OR2L13: variants seen among roughly 807,000 people sequenced by gnomAD.
OR2L13 encodes the protein olfactory receptor 2L13.
Under a neutral mutation model 15.3 loss-of-function variants are expected in OR2L13, and 14 were observed. The observed-to-expected ratio is 0.91, with a 90% CI of 0.60 to 1.43. OR2L13 has a LOEUF of 1.43. Among genes scored for constraint, OR2L13 ranks in the 40% most tolerant of loss-of-function variants. The probability of loss-of-function intolerance (pLI) is 0.00; values close to 1 mark genes in which losing one functional copy is unlikely to be tolerated. For synonymous variants in OR2L13, 152 were observed against 142.9 expected (o/e 1.06, Z -0.45); for missense variants, 367 against 387.9 (o/e 0.95, Z 0.45).
the OR2L13 span, among the ~76,000 whole-genome samples, chr1:248,049,906 A>G: frequency 1.3e-5 from 2 of 152,214 alleles, no homozygotes; most frequent in East Asian, 1.9e-4. Flanking sequence ...ATATGTATGT[A>G]TATATGTATA....
chr1:248,008,101 T>C, the OR2L13 span, among the ~76,000 whole-genome samples: 5 of 152,176 alleles, frequency 3.3e-5, no homozygotes, highest in African/African-American at 1.2e-4. Flanking sequence ...TTTGGTACAT[T>C]CTTATACTTT....
chr1:247,993,206 T>C, the OR2L13 span, among the ~76,000 whole-genome samples: 1 of 152,200 alleles, frequency 6.6e-6, no homozygotes, highest in Non-Finnish European at 1.5e-5. Context: ...TCATGTAACT[T>C]CTGCATTTTT....
At chr1:248,014,947 TA>T in the OR2L13 span, among the ~76,000 whole-genome samples, 1 of 152,104 alleles carries the variant, frequency 6.6e-6, no homozygotes, top group Non-Finnish European at 1.5e-5. Context: ...CATCCCAAAA[TA>T]ACAGTCAAAG....
chr1:247,958,390 T>G, the OR2L13 span, among the ~76,000 whole-genome samples: 2 of 152,122 alleles, frequency 1.3e-5, no homozygotes, highest in African/African-American at 2.4e-5. Context: ...AATAGGTGTG[T>G]TGTGGTGCTG....
At chr1:248,008,137 A>G in the OR2L13 span, among the ~76,000 whole-genome samples, 1 of 152,180 alleles carries the variant, frequency 6.6e-6, no homozygotes, top group Non-Finnish European at 1.5e-5. Flanking sequence ...GTATCACAAT[A>G]GAAAATAGCA....
chr1:248,094,860 G>A (rs767103991), upstream of OR2L13, among the ~76,000 whole-genome samples: 1 of 151,932 alleles, frequency 6.6e-6, no homozygotes, highest in Admixed American at 6.6e-5. Context: ...TTTTTAATCC[G>A]GAATTCTCTA....
the OR2L13 span, among the ~76,000 whole-genome samples, chr1:247,986,238 G>C: frequency 6.6e-6 from 1 of 152,252 alleles, no homozygotes. Context: ...AGTTTTTATG[G>C]TTTTAAGTCT....
At chr1:248,065,939 A>T in the OR2L13 span, among the ~76,000 whole-genome samples, 7 of 152,300 alleles carry the variant, frequency 4.6e-5, no homozygotes, top group East Asian at 1.2e-3. Context: ...TCTCTGGTAC[A>T]TTCTGATACT....
the OR2L13 span, among the ~76,000 whole-genome samples, chr1:248,074,927 G>T: frequency 2.0e-5 from 3 of 152,102 alleles, no homozygotes; most frequent in Non-Finnish European, 2.9e-5. Context: ...CAATGTGCAG[G>T]TTTGATACAT....
chr1:248,051,457 A>G, the OR2L13 span, among the ~76,000 whole-genome samples: 1 of 152,214 alleles, frequency 6.6e-6, no homozygotes, highest in Admixed American at 6.5e-5. Context: ...TGAACATGGG[A>G]ATAGAAATAT....
chr1:248,039,189 T>A, the OR2L13 span: 1 of 1,609,222 alleles, frequency 6.2e-7, no homozygotes, highest in Non-Finnish European at 8.5e-7. Context: ...TCAGAAAATC[T>A]TCTCAGTGAA....
At chr1:248,088,750 G>C in the OR2L13 span, among the ~76,000 whole-genome samples, 1 of 152,106 alleles carries the variant, frequency 6.6e-6, no homozygotes, top group Non-Finnish European at 1.5e-5. Context: ...TTCTGTGTTT[G>C]ATTTGCCATT....
chr1:248,057,386 G>T, the OR2L13 span, among the ~76,000 whole-genome samples: 1 of 152,154 alleles, frequency 6.6e-6, no homozygotes, highest in African/African-American at 2.4e-5. Flanking sequence ...TTTACATTAT[G>T]TAATGCCCTT....
At chr1:248,003,970 C>T in the OR2L13 span, 1 of 1,613,966 alleles carries the variant, frequency 6.2e-7, no homozygotes, top group Non-Finnish European at 8.5e-7. Context: ...ACACCACCCT[C>T]ACCCCAATGC....
the OR2L13 span, chr1:247,949,060 T>C: frequency 2.5e-6 from 4 of 1,613,948 alleles, no homozygotes; most frequent in Non-Finnish European, 3.4e-6. Flanking sequence ...CTCTCCCTCA[T>C]TGACCTAAAT....
At chr1:248,083,566 A>C in the OR2L13 span, 24 of 1,055,622 alleles carry the variant, frequency 2.3e-5, no homozygotes, top group Non-Finnish European at 3.1e-5. Context: ...TGAACTACTA[A>C]AGGGAGAGAA....
Position 248,099,622 on chromosome 1 carries a change from A to C in OR2L13, c.247A>C (p.Asn83His), listed in dbSNP as rs747035870. Residue 83 changes from asparagine to histidine, a missense_variant, in exon 3 of 3, where the codon AAC becomes CAC. Transcript: ENST00000641714. ...CACCACCGTCCCCAAGATGGCGTAC[A>C]ACTTCCTGTCCGGCCAGAAAGGCAT... 18 of 1,613,864 alleles carry C rather than the reference A, an allele frequency of 1.1e-5. No homozygotes were observed. The highest frequency in any genetic ancestry group is 1.4e-5 in the Non-Finnish European group (17 of 1,179,968).
chr1:248,023,140 T>C, the OR2L13 span: 9 of 310,826 alleles, frequency 2.9e-5, no homozygotes, highest in Middle Eastern at 9.6e-4. Flanking sequence ...TTCATTATCA[T>C]GTATAAATCA....
At chr1:247,973,823 ACTAATGGGAGTGTAAATTAGTTCAAC>A in the OR2L13 span, among the ~76,000 whole-genome samples, 1 of 152,146 alleles carries the variant, frequency 6.6e-6, no homozygotes, top group African/African-American at 2.4e-5. Flanking sequence ...CTTTTACACT[ACTAATGGGAGTGTAAATTAGTTCAAC>A]CATTGTGGGA....
Sources: gnomAD v4.1 joint callset for allele counts (sites outside exome capture counted in the v4.1 genomes callset) on GRCh38, gnomAD v4.1.1 for gene constraint, MANE v1.5 for transcripts, NCBI Gene and HGNC (gene_info 2026-07-23, HGNC 2026-07-21) for gene names.